Variants in DUSP22 observed in about 807,000 individuals in gnomAD.
The protein encoded by DUSP22 is dual specificity phosphatase 22.
Under a neutral mutation model 24.5 loss-of-function variants are expected in DUSP22, and 24 were observed. That is an observed-to-expected ratio of 0.98 (90% CI 0.71 to 1.38). DUSP22 has a LOEUF of 1.38. DUSP22 is among the 40% of genes most tolerant of loss of function. The probability of loss-of-function intolerance (pLI) is 0.00; values close to 1 mark genes in which losing one functional copy is unlikely to be tolerated. For missense variants in DUSP22, 330 were observed against 269.2 expected (o/e 1.23, Z -1.58); for synonymous variants, 160 against 106.4 (o/e 1.50, Z -3.10).
intron 3 of DUSP22, among the ~76,000 whole-genome samples, chr6:319,191 A>G (rs2127402569): frequency 6.6e-6 from 1 of 152,420 alleles, no homozygotes; most frequent in East Asian, 1.9e-4. Context: ...ATGTCCAAGT[A>G]TCTATTCGAG....
rs1197393723 is a variant in DUSP22, at chr6:349,410, C to CT, written c.*462dup. ...TTGCTGCCCGGGTTGGTGTGGCCAC[C>CT]TTTCCCTTTGTCCAAGACTCCACAT... On this transcript the variant is annotated 3_prime_UTR_variant, in exon 7 of 7. Transcript: ENST00000419235. 9.8e-6 allele frequency: 10 copies of CT among 1,019,368 alleles called. No homozygotes were observed. The highest frequency in any genetic ancestry group is 1.1e-5 in the Non-Finnish European group (9 of 850,872). 63.1% of individuals were successfully genotyped at this position (1,019,368 alleles called of 1,614,324 possible).
chr6:296,034 A>G (rs1408022381), intron 1 of DUSP22, among the ~76,000 whole-genome samples: 20 of 134,410 alleles, frequency 1.5e-4, no homozygotes, highest in African/African-American at 5.0e-4. Context: ...TGAGATGCTA[A>G]TTCATCCCAA....
rs141878021 is a variant in DUSP22 at position 319,617 on chromosome 6, C to T, written c.138+7655C>T. On this transcript the variant is annotated intron_variant, in intron 3 of 6. Transcript: ENST00000419235. Reference sequence around the variant, plus strand: ...AGCACTGGGCAAGATTTCCCATTTGCGTTGGCCATTGTTTCCAGCGTGGGT... The same window carrying T: ...AGCACTGGGCAAGATTTCCCATTTGTGTTGGCCATTGTTTCCAGCGTGGGT... 7.9e-3 allele frequency among the ~76,000 whole-genome samples: 1,205 copies of T among 151,990 alleles called. 1 individual carries two copies. Among genetic ancestry groups the T allele is most frequent in the Non-Finnish European group, 0.012 (782 of 67,784 alleles).
In DUSP22 at chr6:349,620, C is replaced by A. The variant is rs564710204; in HGVS notation, c.*669C>A. 8.1e-6 allele frequency: 8 copies of A among 987,212 alleles called. No homozygotes were observed. In the South Asian group the frequency reaches 3.8e-4, roughly 46 times the overall value. 61.2% of individuals were successfully genotyped at this position (987,212 alleles called of 1,614,324 possible). A position where few individuals can be genotyped will look rare whatever the true frequency, so the allele number is the denominator to read the frequency against. The stretch of plus-strand genomic sequence containing the variant: ...CTAGAGGGAGGGTGGCTCTGGGGCC[C>A]TGGAAAACGTGAGAGACTGCCCTGA... On this transcript the variant is annotated 3_prime_UTR_variant, in exon 7 of 7. Transcript: ENST00000419235.
intron 3 of DUSP22, among the ~76,000 whole-genome samples, chr6:316,631 C>T (rs1758349871): frequency 2.0e-5 from 3 of 152,416 alleles, no homozygotes; most frequent in South Asian, 4.1e-4. Flanking sequence ...AAAGGTTTCT[C>T]CCTTCCCCTG....
intron 4 of DUSP22, 42 bp from the exon 5 acceptor site, chr6:345,812 G>C: frequency 6.2e-7 from 1 of 1,608,060 alleles, no homozygotes; most frequent in Non-Finnish European, 8.5e-7. Context: ...CATATATTGA[G>C]TAAAGTAGAG....
Position 345,935 on chromosome 6 carries a change from G to T in DUSP22, c.263+7G>T, listed in dbSNP as rs765852853. The T allele has an allele frequency of 3.7e-6, 6 of 1,614,052 alleles. No homozygotes were observed. In the African/African-American group the frequency reaches 8.0e-5, roughly 22 times the overall value. On this transcript the variant is annotated splice_region_variant and intron_variant, in intron 5 of 6. Transcript: ENST00000419235. Reference sequence around the variant, plus strand: ...AGAGCTGCCTTGTACACTGGTACGTGTGTCTCTTGCTTAATAGCGCCTTAG... The same window carrying T: ...AGAGCTGCCTTGTACACTGGTACGTTTGTCTCTTGCTTAATAGCGCCTTAG...
chr6:327,363 C>T (rs1298701968), intron 3 of DUSP22, among the ~76,000 whole-genome samples: 10 of 152,422 alleles, frequency 6.6e-5, no homozygotes, highest in South Asian at 2.1e-4. Flanking sequence ...CCGCACTGGA[C>T]GGTGACTCCA....
At chr6:344,057 T>C (rs1759744565) in intron 4 of DUSP22, among the ~76,000 whole-genome samples, 1 of 152,420 alleles carries the variant, frequency 6.6e-6, no homozygotes, top group Admixed American at 6.5e-5. Context: ...CAGTCCAGAA[T>C]GAGGTCTGAG....
At chr6:338,811 G>A (rs563723286) in intron 4 of DUSP22, among the ~76,000 whole-genome samples, 3 of 152,418 alleles carry the variant, frequency 2.0e-5, no homozygotes, top group Non-Finnish European at 1.5e-5. Flanking sequence ...ACAAATCCCT[G>A]CACGAACAGG....
chr6:350,034 C>T lies in DUSP22; in HGVS notation c.*1083C>T. 1.0e-6 allele frequency: 1 copy of T among 985,660 alleles called. No individual in the cohort carries two copies. Among genetic ancestry groups the T allele is most frequent in the South Asian group, 4.7e-5 (1 of 21,298 alleles). The allele number at this position is 985,660 out of a possible 1,614,324, so 61.1% of individuals were successfully genotyped here. On this transcript the variant is annotated 3_prime_UTR_variant, in exon 7 of 7. Coordinates refer to ENST00000419235, the MANE Select transcript of DUSP22 (RefSeq NM_001286555.3). ...CTGTAGCAATTTGCATTTTAAAATG[C>T]CTGAGCATTTATTAAGCTTCTTGGT... is the stretch of plus-strand genomic sequence containing the variant.
intron 3 of DUSP22, among the ~76,000 whole-genome samples, chr6:315,574 TTG>T (rs1185535577): frequency 6.6e-6 from 1 of 152,288 alleles, no homozygotes; most frequent in Admixed American, 6.5e-5. Context: ...TTGAAAAAGG[TTG>T]TGCTATTTGT....
intron 1 of DUSP22, among the ~76,000 whole-genome samples, chr6:303,010 G>A (rs1174630611): frequency 6.6e-6 from 1 of 152,302 alleles, no homozygotes; most frequent in African/African-American, 2.4e-5. Context: ...AGGCCTTGTT[G>A]AGAAAAGGAC....
In DUSP22 at chr6:350,717, C is replaced by T. The variant is rs1760161658; in HGVS notation, c.*1766C>T. 1 of 1,606,820 alleles carries T rather than the reference C, an allele frequency of 6.2e-7. No homozygotes were observed. Among genetic ancestry groups the T allele is most frequent in the Non-Finnish European group, 8.5e-7 (1 of 1,176,750 alleles). ...AACAGAAAAATGATTTAGGATATAG[C>T]TTGAATGCTTAAATATGTGCACCTT... On this transcript the variant is annotated 3_prime_UTR_variant, in exon 7 of 7. Coordinates refer to ENST00000419235, the MANE Select transcript of DUSP22 (RefSeq NM_001286555.3).
At chr6:333,398 AT>A (rs1759222239) in intron 3 of DUSP22, among the ~76,000 whole-genome samples, 1 of 152,310 alleles carries the variant, frequency 6.6e-6, no homozygotes, top group Non-Finnish European at 1.5e-5. Context: ...AGGTGTAAAG[AT>A]TGATTTAAAG....
chr6:299,239 G>C lies in DUSP22; in HGVS notation c.22-5389G>C, dbSNP rs569862936. On this transcript the variant is annotated intron_variant, in intron 1 of 6. Coordinates refer to ENST00000419235, the MANE Select transcript of DUSP22 (RefSeq NM_001286555.3). ...TGCTTCTGGCTTGAGCTCAGCTCCT[G>C]CGTGGCCTGACTGGTCAGCCAGGTT... Among the ~76,000 whole-genome samples, 14 of 152,410 alleles carry C rather than the reference G, an allele frequency of 9.2e-5. No individual in the cohort carries two copies. In the South Asian group the frequency reaches 2.9e-3, roughly 32 times the overall value.
chr6:339,990 G>A (rs1009655547), intron 4 of DUSP22, among the ~76,000 whole-genome samples: 1 of 152,306 alleles, frequency 6.6e-6, no homozygotes. Context: ...AGAGCTGAAA[G>A]TGGCATTCAG....
chr6:332,007 G>A (rs1044352735), intron 3 of DUSP22, among the ~76,000 whole-genome samples: 1 of 152,306 alleles, frequency 6.6e-6, no homozygotes, highest in Non-Finnish European at 1.5e-5. Flanking sequence ...CTCTCGTTTC[G>A]TGGTCACTGG....
chr6:301,852 G>A (rs538919684), intron 1 of DUSP22, among the ~76,000 whole-genome samples: 873 of 152,064 alleles, frequency 5.7e-3, no homozygotes, highest in African/African-American at 0.019. Context: ...GAATTTAGGA[G>A]TCAGAACATC....
Sources: gnomAD v4.1 joint callset for allele counts (sites outside exome capture counted in the v4.1 genomes callset) on GRCh38, gnomAD v4.1.1 for gene constraint, MANE v1.5 for transcripts, NCBI Gene and HGNC (gene_info 2026-07-23, HGNC 2026-07-21) for gene names.